The following POF1B variants were observed in gnomAD, a reference collection of about 807,000 sequenced individuals.
POF1B encodes the protein protein POF1B.
Under a neutral mutation model 55.3 loss-of-function variants are expected in POF1B, and 53 were observed. The ratio of observed to expected loss-of-function variants is 0.96; its 90% CI spans 0.77 to 1.20. The LOEUF is 1.20. Among genes scored for constraint, POF1B ranks in the 50% most tolerant of loss-of-function variants. The probability of loss-of-function intolerance (pLI) is 0.00; values close to 1 mark genes in which losing one functional copy is unlikely to be tolerated. For missense variants in POF1B, 478 were observed against 420.5 expected (o/e 1.14, Z -1.20); for synonymous variants, 188 against 148.3 (o/e 1.27, Z -1.95).
At chrX:85,281,678 A>C (rs1429106390) in intron 16 of POF1B, among the ~76,000 whole-genome samples, 1 of 108,952 alleles carries the variant, frequency 9.2e-6, no homozygotes, top group Non-Finnish European at 1.9e-5. Flanking sequence ...AGGATGTTAC[A>C]GTCTAGTGAG....
At chrX:85,296,423 A>G (rs1219690145) in intron 15 of POF1B, among the ~76,000 whole-genome samples, 1 of 112,062 alleles carries the variant, frequency 8.9e-6, no homozygotes, top group Non-Finnish European at 1.9e-5. Context: ...AACCTCCTGT[A>G]TAGCTGGTTT....
chrX:85,299,196 T>C (rs1441328767), intron 15 of POF1B, among the ~76,000 whole-genome samples: 1 of 102,684 alleles, frequency 9.7e-6, no homozygotes, highest in Non-Finnish European at 2.0e-5. Flanking sequence ...TTTTTCTTTT[T>C]TTTTTTTTTT....
chrX:85,329,301 A>C (rs2147924019), intron 7 of POF1B, among the ~76,000 whole-genome samples: 1 of 111,796 alleles, frequency 8.9e-6, no homozygotes, highest in East Asian at 2.8e-4. Context: ...TTGTTTGGGT[A>C]ATGGGAAACA....
At chrX:85,310,727 T>C (rs745613562) in intron 9 of POF1B, among the ~76,000 whole-genome samples, 29 of 111,489 alleles carry the variant, frequency 2.6e-4, no homozygotes, top group African/African-American at 9.4e-4. Flanking sequence ...CCTGGTAACA[T>C]ACATATTCAA....
In POF1B at chrX:85,282,320, G is replaced by A. The variant is rs1162660260; in HGVS notation, c.1650-3C>T. ...GGATTGGATATTGTGTCCTGTACCT[G>A]TTGGCAAGAAAAGAGTTAGTTTACA... is the stretch of plus-strand genomic sequence containing the variant. On this transcript the variant is annotated splice_region_variant and splice_polypyrimidine_tract_variant and intron_variant, in intron 15 of 16. Coordinates refer to ENST00000262753, the MANE Select transcript of POF1B (RefSeq NM_024921.4). 3.6e-6 allele frequency: 4 copies of A among 1,104,964 alleles called. No homozygotes were observed. Among genetic ancestry groups the A allele is most frequent in the African/African-American group, 1.9e-5 (1 of 52,806 alleles). 91.1% of individuals were successfully genotyped at this position (1,104,964 alleles called of 1,213,427 possible).
At chrX:85,330,442 G>A (rs1174625532) in intron 7 of POF1B, among the ~76,000 whole-genome samples, 1 of 111,201 alleles carries the variant, frequency 9.0e-6, no homozygotes, top group Non-Finnish European at 1.9e-5. Flanking sequence ...GCAGTAGGAC[G>A]GTACCTAATA....
intron 16 of POF1B, among the ~76,000 whole-genome samples, chrX:85,280,411 CAT>C (rs1328624224): frequency 1.8e-4 from 20 of 111,268 alleles, no homozygotes; most frequent in African/African-American, 6.2e-4. Context: ...GTACAATAAA[CAT>C]GTAGAAAGAA....
At chrX:85,293,980 AAAAT>A (rs1312073646) in intron 15 of POF1B, among the ~76,000 whole-genome samples, 8 of 110,253 alleles carry the variant, frequency 7.3e-5, no homozygotes, top group Non-Finnish European at 1.5e-4. Context: ...TCAAAAAAAA[AAAAT>A]AAATAAAGAA....
intron 15 of POF1B, among the ~76,000 whole-genome samples, chrX:85,287,797 G>A (rs747837990): frequency 5.0e-4 from 56 of 111,714 alleles, no homozygotes; most frequent in Non-Finnish European, 7.2e-4. Context: ...GAAAAGAAAT[G>A]TATAGGCTAA....
intron 6 of POF1B, among the ~76,000 whole-genome samples, chrX:85,345,216 A>G (rs1273031485): frequency 9.0e-6 from 1 of 111,112 alleles, no homozygotes; most frequent in Non-Finnish European, 1.9e-5. Flanking sequence ...ACATACAAGA[A>G]AATCTTTTTT....
intron 16 of POF1B, among the ~76,000 whole-genome samples, chrX:85,280,729 C>A (rs1931877476): frequency 9.0e-6 from 1 of 111,158 alleles, no homozygotes; most frequent in South Asian, 3.7e-4. Flanking sequence ...AATCCTCAAA[C>A]ATTTCTCTGT....
chrX:85,359,470 G>T, intron 4 of POF1B, 80 bp downstream of exon 4: 1 of 685,202 alleles, frequency 1.5e-6, no homozygotes, highest in Non-Finnish European at 2.3e-6. Context: ...TGATCTTAAG[G>T]ATCTGGTAAC....
chrX:85,294,182 T>C (rs1038284991), intron 15 of POF1B, among the ~76,000 whole-genome samples: 2 of 111,654 alleles, frequency 1.8e-5, no homozygotes, highest in African/African-American at 6.5e-5. Context: ...AGAGTTTGAC[T>C]TCTTTTCTTA....
chrX:85,345,271 T>G (rs1435686254), intron 6 of POF1B, among the ~76,000 whole-genome samples: 1 of 111,336 alleles, frequency 9.0e-6, no homozygotes, highest in Admixed American at 9.6e-5. Flanking sequence ...TCCAAAATTT[T>G]CATAACATAA....
intron 8 of POF1B, among the ~76,000 whole-genome samples, chrX:85,315,252 T>C (rs1186457440): frequency 9.0e-6 from 1 of 111,573 alleles, no homozygotes; most frequent in African/African-American, 3.2e-5. Flanking sequence ...TACTTGAAAA[T>C]ATTTTTACTT....
chrX:85,363,790 C>T (rs1288835295), intron 3 of POF1B, among the ~76,000 whole-genome samples: 1 of 111,144 alleles, frequency 9.0e-6, no homozygotes, highest in Non-Finnish European at 1.9e-5. Flanking sequence ...AGTTCAGGAC[C>T]TGAGTATCTT....
chrX:85,324,407 G>A (rs886156362), intron 7 of POF1B, among the ~76,000 whole-genome samples: 1 of 110,337 alleles, frequency 9.1e-6, no homozygotes, highest in Non-Finnish European at 1.9e-5. Flanking sequence ...GCCTGTGTTG[G>A]GTGCATATGT....
intron 5 of POF1B, among the ~76,000 whole-genome samples, chrX:85,351,000 G>T (rs1242246085): frequency 9.0e-6 from 1 of 111,506 alleles, no homozygotes; most frequent in East Asian, 2.8e-4. Context: ...AAAAGAATTA[G>T]AACAAAATTA....
chrX:85,279,383 A>C lies in POF1B; in HGVS notation c.*38T>G, dbSNP rs1423942210. ...ATGCAGAGACACACACACAAAAAAAAAACGGCTTTGAGTTGTAATACTTTA... is the reference window on the plus strand; with the variant it reads ...ATGCAGAGACACACACACAAAAAAACAACGGCTTTGAGTTGTAATACTTTA... On this transcript the variant is annotated 3_prime_UTR_variant, in exon 17 of 17. Coordinates refer to ENST00000262753, the MANE Select transcript of POF1B (RefSeq NM_024921.4). The C allele has an allele frequency of 3.4e-6, 4 of 1,168,866 alleles. No homozygotes were observed. The South Asian group carries it at 7.4e-5, about 22-fold the overall frequency.
Sources: allele counts gnomAD v4.1 joint callset (sites outside exome capture counted in the v4.1 genomes callset), GRCh38; gene constraint gnomAD v4.1.1; transcripts MANE v1.5; gene names NCBI Gene and HGNC (gene_info 2026-07-23, HGNC 2026-07-21).